KIAA0586: variants seen among roughly 807,000 people sequenced by gnomAD.
The protein encoded by KIAA0586 is protein TALPID3.
In KIAA0586, 144 loss-of-function variants were observed where a neutral mutation model predicts 169.8. That is an observed-to-expected ratio of 0.85 (90% CI 0.74 to 0.97). The LOEUF is 0.97. Among genes scored for constraint, KIAA0586 ranks in the 50% least tolerant of loss-of-function variants. The pLI, the probability that KIAA0586 is intolerant of heterozygous loss-of-function variation, is 0.00. For missense variants in KIAA0586, 1,854 were observed against 1,823.0 expected, an observed-to-expected ratio of 1.02 and a Z score of -0.31; for synonymous variants, 625 against 612.4, an observed-to-expected ratio of 1.02 and a Z score of -0.30.
intron 12 of KIAA0586, 88 bp downstream of exon 12, chr14:58,458,633 A>G (rs993995720): frequency 1.1e-5 from 7 of 652,914 alleles, no homozygotes; most frequent in Admixed American, 7.3e-5. Flanking sequence ...TGTTTTCAAA[A>G]TATTTCTTAT....
the KIAA0586 span, among the ~76,000 whole-genome samples, chr14:58,558,821 C>T: frequency 6.6e-6 from 1 of 152,162 alleles, no homozygotes; most frequent in Non-Finnish European, 1.5e-5. Flanking sequence ...ATTGCAAGGA[C>T]CGGTACAAGT....
chr14:58,511,458 A>G (rs1188120896), intron 28 of KIAA0586, among the ~76,000 whole-genome samples: 1 of 152,234 alleles, frequency 6.6e-6, no homozygotes, highest in Admixed American at 6.5e-5. Context: ...GGTCAAAGCT[A>G]GAAAATGCCT....
At chr14:58,542,744 T>C (rs543891426) in intron 30 of KIAA0586, among the ~76,000 whole-genome samples, 32 of 152,334 alleles carry the variant, frequency 2.1e-4, no homozygotes, top group Middle Eastern at 3.4e-3. Flanking sequence ...AGATAGTGGC[T>C]TTCCAATTAC....
At chr14:58,529,843 G>T (rs1244251466) in intron 29 of KIAA0586, among the ~76,000 whole-genome samples, 2 of 152,146 alleles carry the variant, frequency 1.3e-5, no homozygotes, top group African/African-American at 4.8e-5. Flanking sequence ...CACACTACTG[G>T]AAGTTCTGGC....
chr14:58,485,874 A>G (rs1394020878), intron 21 of KIAA0586, among the ~76,000 whole-genome samples: 4 of 152,084 alleles, frequency 2.6e-5, no homozygotes, highest in Admixed American at 1.3e-4. Context: ...TATGTTGTCA[A>G]TCACTTAAAA....
At chr14:58,537,850 T>C (rs1317522140) in intron 29 of KIAA0586, among the ~76,000 whole-genome samples, 3 of 152,144 alleles carry the variant, frequency 2.0e-5, no homozygotes. Context: ...GGTTTCACCG[T>C]GTTAGCCAGG....
At chr14:58,517,441 G>A (rs1365065169) in intron 29 of KIAA0586, among the ~76,000 whole-genome samples, 1 of 152,176 alleles carries the variant, frequency 6.6e-6, no homozygotes, top group Non-Finnish European at 1.5e-5. Context: ...ATACCCATTA[G>A]GTTGACTAAA....
At chr14:58,456,287 T>C (rs1165946527) in intron 9 of KIAA0586, among the ~76,000 whole-genome samples, 1 of 152,166 alleles carries the variant, frequency 6.6e-6, no homozygotes, top group Non-Finnish European at 1.5e-5. Flanking sequence ...GAATAAATGC[T>C]CCTGGGGTTC....
At chr14:58,464,025 C>T (rs1210574448) in intron 14 of KIAA0586, 2 of 448,938 alleles carry the variant, frequency 4.5e-6, no homozygotes, top group Non-Finnish European at 9.1e-6. Context: ...AAATTTCAGA[C>T]TATGACCAGA....
chr14:58,516,708 AAAAAT>A (rs2141536805), intron 29 of KIAA0586, among the ~76,000 whole-genome samples: 1 of 152,366 alleles, frequency 6.6e-6, no homozygotes, highest in Non-Finnish European at 1.5e-5. Context: ...TTTTAAAAAG[AAAAAT>A]AAAGTTGGAA....
rs1254876263 is a variant in KIAA0586 at position 58,470,686 on chromosome 14, A to G, written c.2516A>G (p.Lys839Arg). 1 of 1,608,504 alleles carries G rather than the reference A, an allele frequency of 6.2e-7. No homozygotes were observed. The highest frequency in any genetic ancestry group is 1.7e-5 in the Admixed American group (1 of 59,970). Residue 839 changes from lysine to arginine, a missense_variant, in exon 17 of 31, where the codon AAA becomes AGA. Physicochemically the swap from Lys to Arg is conservative, Grantham distance 26 (BLOSUM62 2). Transcript: ENST00000652326. ...ADVLSPLSSP[K>R]EASLPPVQTW... ...GTCCTTTCACCTCTGTCTAGCCCCAAAGAAGCATCTCTTCCTCCTGTGCAA... is the reference window on the plus strand; with the variant it reads ...GTCCTTTCACCTCTGTCTAGCCCCAGAGAAGCATCTCTTCCTCCTGTGCAA...
chr14:58,437,163 T>C (rs2037899038), intron 4 of KIAA0586, among the ~76,000 whole-genome samples: 1 of 152,130 alleles, frequency 6.6e-6, no homozygotes, highest in South Asian at 2.1e-4. Flanking sequence ...ATGGGAATCA[T>C]GCTCAGTTGG....
chr14:58,546,437 A>G (rs1218423952), intron 30 of KIAA0586, among the ~76,000 whole-genome samples: 2 of 152,224 alleles, frequency 1.3e-5, no homozygotes, highest in Non-Finnish European at 2.9e-5. Context: ...GAAAAATTCT[A>G]TGTTATTACT....
At chr14:58,546,960 T>A (rs1400047863) in intron 30 of KIAA0586, among the ~76,000 whole-genome samples, 1 of 152,124 alleles carries the variant, frequency 6.6e-6, no homozygotes, top group African/African-American at 2.4e-5. Context: ...TGCAGTATGT[T>A]TTTCCTCTGA....
At position 58,428,348 on chromosome 14, in the gene KIAA0586, T is replaced by C; in HGVS notation, c.84T>C (p.Asn28=). The C allele has an allele frequency of 6.2e-7, 1 of 1,613,956 alleles. No individual in the cohort carries two copies. The highest frequency in any genetic ancestry group is 8.5e-7 in the Non-Finnish European group (1 of 1,179,840). The change falls in exon 1 of 31, where the codon AAT becomes AAC. Residue 28 remains asparagine (N), a synonymous_variant. Transcript: ENST00000652326. ...VKRLREVVSQ[N]HGDHLVLLKD... Reference sequence around the variant, plus strand: ...GACTTCGTGAGGTAGTTTCTCAAAATCATGGAGATCATTTGGTTTTGCTGA... The same window carrying C: ...GACTTCGTGAGGTAGTTTCTCAAAACCATGGAGATCATTTGGTTTTGCTGA...
intron 5 of KIAA0586, 116 bp downstream of exon 5, chr14:58,442,996 C>T (rs1455128307): frequency 2.7e-6 from 2 of 740,422 alleles, no homozygotes; most frequent in African/African-American, 3.6e-5. Flanking sequence ...TGTAGTTGCT[C>T]TCAATTTGAA....
rs374691292 is a variant in KIAA0586, at chr14:58,482,703, A to G, written c.3135A>G (p.Thr1045=). ...GVSGDASTNE[T]YLPARVCTPL... ...CTGGGGATGCTTCAACAAATGAAAC[A>G]TATTTGCCGGTATGGGGAATTTTTG... Residue 1045 remains threonine, a synonymous_variant, in exon 21 of 31, where the codon ACA becomes ACG. Transcript: ENST00000652326. The G allele has an allele frequency of 1.2e-5, 19 of 1,561,258 alleles. No individual in the cohort carries two copies. The highest frequency in any genetic ancestry group is 2.4e-5 in the South Asian group (2 of 83,514).
At chr14:58,480,558 GTGCTTGA>G (rs2041963201) in intron 20 of KIAA0586, among the ~76,000 whole-genome samples, 1 of 151,990 alleles carries the variant, frequency 6.6e-6, no homozygotes, top group South Asian at 2.1e-4. Context: ...GATGAATATT[GTGCTTGA>G]TGCTCCCCTG....
intron 30 of KIAA0586, among the ~76,000 whole-genome samples, chr14:58,546,529 A>G (rs1237074085): frequency 1.3e-5 from 2 of 152,228 alleles, no homozygotes; most frequent in Non-Finnish European, 2.9e-5. Context: ...AAGATTGTTT[A>G]AGGTAATTTA....
Sources: gnomAD v4.1 joint callset for allele counts (sites outside exome capture counted in the v4.1 genomes callset) on GRCh38, gnomAD v4.1.1 for gene constraint, MANE v1.5 for transcripts, NCBI Gene and HGNC (gene_info 2026-07-23, HGNC 2026-07-21) for gene names.